The following HPS4 variants were observed in gnomAD, a reference collection of about 807,000 sequenced individuals.
The protein encoded by HPS4 is BLOC-3 complex member HPS4.
HPS4 carries 44 observed loss-of-function variants against 70.3 expected under a neutral mutation model. The observed-to-expected ratio is 0.63, with a 90% CI of 0.49 to 0.80. The LOEUF is 0.80. Ranked by LOEUF, HPS4 falls within the 30% of genes least tolerant of loss-of-function variation. The pLI is 0.00. For missense variants in HPS4, 873 were observed against 884.4 expected, an observed-to-expected ratio of 0.99 and a Z score of 0.16; for synonymous variants, 377 against 355.9, an observed-to-expected ratio of 1.06 and a Z score of -0.67.
intron 6 of HPS4, 97 bp from the exon 7 acceptor site, chr22:26,470,910 T>C: frequency 2.6e-6 from 4 of 1,566,656 alleles, no homozygotes; most frequent in Non-Finnish European, 2.6e-6. Context: ...CTGGACAGGG[T>C]GTAGCTCAAA....
intron 7 of HPS4, among the ~76,000 whole-genome samples, chr22:26,469,412 C>A (rs2089380784): frequency 6.6e-6 from 1 of 151,932 alleles, no homozygotes; most frequent in African/African-American, 2.4e-5. Context: ...TATGCCACTA[C>A]ACTACAGCCT....
At chr22:26,481,025 C>A (rs1207577886) in intron 2 of HPS4, among the ~76,000 whole-genome samples, 1 of 152,110 alleles carries the variant, frequency 6.6e-6, no homozygotes, top group African/African-American at 2.4e-5. Flanking sequence ...AAGCTCAGAT[C>A]AAAAAGCCTC....
chr22:26,469,283 CAAAAAAAAA>C lies in HPS4; in HGVS notation c.597-669_597-661del, dbSNP rs5844704. Among the ~76,000 whole-genome samples the C allele has an allele frequency of 2.1e-4, 22 of 105,450 alleles. No individual in the cohort carries two copies. The South Asian group carries it at 7.2e-3, about 34-fold the overall frequency. 69.2% of individuals were successfully genotyped at this position (105,450 alleles called of 152,430 possible). A position where few individuals can be genotyped will look rare whatever the true frequency, so the allele number is the denominator to read the frequency against. On this transcript the variant is annotated intron_variant, in intron 7 of 13. Coordinates refer to ENST00000398145, the MANE Select transcript of HPS4 (RefSeq NM_022081.6). ...GCAACATAGTGAGATCCCATCTCTA[CAAAAAAAAA>C]AAAAAAAAAAATCAAAAGCTTGGCC...
In HPS4 at chr22:26,458,557, T is replaced by C. The variant is rs748643364; in HGVS notation, c.1734A>G (p.Ser578=). Residue 578 remains serine, a synonymous_variant, in exon 12 of 14, where the codon TCA becomes TCG. Transcript: ENST00000398145. ...IEEVYHSSLA[S]LNGLEVHLKE... is the part of the protein sequence containing the mutation. ...TCAGGTGGACTTCCAGCCCATTCAG[T>C]GAAGCCAGGCTGCTGTGGTACTGCA... 6.2e-7 allele frequency: 1 copy of C among 1,614,058 alleles called. No individual in the cohort carries two copies. Among genetic ancestry groups the C allele is most frequent in the South Asian group, 1.1e-5 (1 of 91,074 alleles).
At position 26,472,580 on chromosome 22, in the gene HPS4, G is replaced by T. The variant is rs373498273; in HGVS notation, c.385-162C>A. The stretch of plus-strand genomic sequence containing the variant: ...ATCACAGATCCACGGCGCCTGCCGC[G>T]TGGGGGTGGCAAGCAGGGCCTGCGC... On this transcript the variant is annotated intron_variant, in intron 5 of 13. Coordinates refer to ENST00000398145, the MANE Select transcript of HPS4 (RefSeq NM_022081.6). Among the ~76,000 whole-genome samples the T allele has an allele frequency of 4.5e-4, 69 of 152,360 alleles. No individual in the cohort carries two copies. In the East Asian group the frequency reaches 0.012, roughly 27 times the overall value.
chr22:26,469,981 G>A (rs1395708711), intron 7 of HPS4, among the ~76,000 whole-genome samples: 1 of 152,244 alleles, frequency 6.6e-6, no homozygotes, highest in Non-Finnish European at 1.5e-5. Context: ...CCGCATGGCT[G>A]GCGAAAGAAG....
rs9625029 is a variant in HPS4 at position 26,453,398 on chromosome 22, G to A, written c.1962C>T (p.Ala654=). The change falls in exon 14 of 14, where the codon GCC becomes GCT. Residue 654 remains alanine (A), a synonymous_variant. Transcript: ENST00000398145. The part of the protein sequence containing the change: ...PALYEMTVRN[A]STAVYACCNP... ...TGCAACAGGCGTACACAGCCGTGGA[G>A]GCATTTCTGTTGGAGGAAGAAAGAA... is the stretch of plus-strand genomic sequence containing the variant. 0.011 allele frequency: 17,681 copies of A among 1,613,944 alleles called. 113 individuals carry two copies. The highest frequency in any genetic ancestry group is 0.021 in the Middle Eastern group (123 of 5,852).
Position 26,464,288 on chromosome 22 carries a change from C to T in HPS4, c.1342G>A (p.Gly448Ser), listed in dbSNP as rs2087990522. The T allele has an allele frequency of 6.2e-7, 1 of 1,614,062 alleles. No homozygotes were observed. The highest frequency in any genetic ancestry group is 2.2e-5 in the East Asian group (1 of 44,870). ...GAQEQLEDHP[G>S]HSSQAPIPRA... is the part of the protein sequence containing the mutation. Reference sequence around the variant, plus strand: ...GGAATGGGGGCTTGGCTGCTATGGCCAGGATGGTCTTCGAGCTGCTCTTGG... The same window carrying T: ...GGAATGGGGGCTTGGCTGCTATGGCTAGGATGGTCTTCGAGCTGCTCTTGG... Residue 448 changes from glycine to serine, a missense_variant, in exon 11 of 14, where the codon GGC becomes AGC. Physicochemically the swap from Gly to Ser is moderately conservative, Grantham distance 56. Transcript: ENST00000398145.
intron 3 of HPS4, among the ~76,000 whole-genome samples, chr22:26,445,207 A>G (rs1327514866): frequency 6.6e-6 from 1 of 152,118 alleles, no homozygotes; most frequent in African/African-American, 2.4e-5. Context: ...GGTGGTGCAC[A>G]CCTGTAGTCC....
At chr22:26,483,226 A>G (rs558949442) in intron 1 of HPS4, among the ~76,000 whole-genome samples, 1 of 152,188 alleles carries the variant, frequency 6.6e-6, no homozygotes, top group South Asian at 2.1e-4. Flanking sequence ...CAGCAGCCTA[A>G]AACTCCCCAT....
intron 8 of HPS4, chr22:26,466,728 C>A (rs956383050): frequency 4.6e-6 from 1 of 215,988 alleles, no homozygotes; most frequent in Non-Finnish European, 9.4e-6. Flanking sequence ...AAATGCTATA[C>A]CCAATCTCTC....
intron 11 of HPS4, among the ~76,000 whole-genome samples, chr22:26,461,904 A>C (rs1408275707): frequency 6.6e-6 from 1 of 152,148 alleles, no homozygotes; most frequent in East Asian, 1.9e-4. Context: ...AGGCGGGCAG[A>C]TTACCTGAGG....
upstream of HPS4, chr22:26,483,806 G>A (rs1285380399): frequency 7.1e-6 from 8 of 1,121,232 alleles, no homozygotes; most frequent in Non-Finnish European, 9.2e-6. Context: ...GCGCCGCCCC[G>A]CCTACCTCCC....
Position 26,479,300 on chromosome 22 carries a change from T to C in HPS4, c.97A>G (p.Thr33Ala), listed in dbSNP as rs765596627. Reference sequence around the variant, plus strand: ...TAAAAGTAACAAATGCCAGCTCTTGTTGGATCGCCTTCTTCCTTTACCTTG... The same window carrying C: ...TAAAAGTAACAAATGCCAGCTCTTGCTGGATCGCCTTCTTCCTTTACCTTG... ...GSKVKEEGDP[T>A]RAGICYFYPS... Residue 33 changes from threonine (T) to alanine (A), a missense_variant, in exon 3 of 14, where the codon ACA becomes GCA. Transcript: ENST00000398145. 6.2e-7 allele frequency: 1 copy of C among 1,614,210 alleles called. No homozygotes were observed. Among genetic ancestry groups the C allele is most frequent in the Non-Finnish European group, 8.5e-7 (1 of 1,180,036 alleles).
chr22:26,452,997 CTACCGATTAAA>C lies in HPS4; in HGVS notation c.*225_*235del, dbSNP rs2085458455. The C allele has an allele frequency of 1.9e-6, 1 of 537,672 alleles. No homozygotes were observed. Among genetic ancestry groups the C allele is most frequent in the Admixed American group, 3.2e-5 (1 of 31,664 alleles). The allele number at this position is 537,672 out of a possible 1,614,324, so 33.3% of individuals were successfully genotyped here. The stretch of plus-strand genomic sequence containing the variant: ...AGCCAAGCCCGTCCCGGCCCCAACA[CTACCGATTAAA>C]TACAGTTCTTTATCAAGTGCTCTGG... On this transcript the variant is annotated 3_prime_UTR_variant, in exon 14 of 14. Transcript: ENST00000398145.
intron 11 of HPS4, among the ~76,000 whole-genome samples, chr22:26,462,670 C>G (rs1475341600): frequency 6.6e-6 from 1 of 152,176 alleles, no homozygotes; most frequent in Non-Finnish European, 1.5e-5. Flanking sequence ...CTGGGCCCTT[C>G]AAAATGACAC....
chr22:26,476,075 G>A (rs543825977), intron 4 of HPS4: 4 of 152,122 alleles, frequency 2.6e-5, no homozygotes, highest in East Asian at 3.9e-4. Context: ...TTGAATTAAT[G>A]GGAGGATAAA....
intron 7 of HPS4, 34 bp from the exon 8 acceptor site, chr22:26,468,657 A>G (rs773550391): frequency 2.1e-5 from 33 of 1,590,188 alleles, no homozygotes; most frequent in Middle Eastern, 1.7e-4. Flanking sequence ...GAACACCATG[A>G]GACGAAATAC....
At chr22:26,457,232 T>TC (rs1469039409) in intron 13 of HPS4, among the ~76,000 whole-genome samples, 39 of 146,622 alleles carry the variant, frequency 2.7e-4, no homozygotes, top group Admixed American at 2.6e-3. Flanking sequence ...TTTTTTTTTT[T>TC]CTGAGACGCA....
Sources: allele counts gnomAD v4.1 joint callset (sites outside exome capture counted in the v4.1 genomes callset), GRCh38; gene constraint gnomAD v4.1.1; transcripts MANE v1.5; gene names NCBI Gene and HGNC (gene_info 2026-07-23, HGNC 2026-07-21).